The following PLEKHM3 variants were observed in gnomAD, a reference collection of about 807,000 sequenced individuals.
PLEKHM3 encodes pleckstrin homology domain-containing family M member 3.
A neutral mutation model predicts 81.8 loss-of-function variants in PLEKHM3; 45 were observed. The ratio of observed to expected loss-of-function variants is 0.55; its 90% CI spans 0.43 to 0.71. The LOEUF (loss-of-function observed/expected upper bound fraction) is 0.71. PLEKHM3 is among the 30% of genes least tolerant of loss of function. The pLI is 0.00. For synonymous variants in PLEKHM3, 352 were observed against 356.4 expected (o/e 0.99, Z 0.14); for missense variants, 788 against 924.3 (o/e 0.85, Z 1.91).
intron 4 of PLEKHM3, among the ~76,000 whole-genome samples, chr2:207,937,902 G>C (rs1254336288): frequency 2.6e-5 from 4 of 152,140 alleles, no homozygotes; most frequent in Admixed American, 2.6e-4. Flanking sequence ...GGAGAAATTA[G>C]GAAACCTTCA....
intron 6 of PLEKHM3, among the ~76,000 whole-genome samples, chr2:207,866,275 C>A (rs2092500398): frequency 6.6e-6 from 1 of 152,130 alleles, no homozygotes; most frequent in Non-Finnish European, 1.5e-5. Flanking sequence ...CCTGCCTCAG[C>A]CTCCCAAGTG....
At chr2:208,009,260 G>T (rs1292135072) in intron 1 of PLEKHM3, among the ~76,000 whole-genome samples, 1 of 152,082 alleles carries the variant, frequency 6.6e-6, no homozygotes, top group Non-Finnish European at 1.5e-5. Flanking sequence ...TTCAGGAAAG[G>T]CTTGCAGTTA....
chr2:207,985,761 C>T (rs994550362), intron 2 of PLEKHM3, among the ~76,000 whole-genome samples: 2 of 151,874 alleles, frequency 1.3e-5, no homozygotes, highest in East Asian at 1.9e-4. Context: ...CTGAGGTGGG[C>T]GGATCACAAG....
chr2:207,869,340 T>C (rs1574353170), intron 6 of PLEKHM3, among the ~76,000 whole-genome samples: 4 of 152,098 alleles, frequency 2.6e-5, no homozygotes, highest in Admixed American at 2.6e-4. Context: ...GAAGGAAACG[T>C]GTAGCTCTTC....
intron 7 of PLEKHM3, among the ~76,000 whole-genome samples, chr2:207,836,169 T>G (rs1320774150): frequency 6.6e-6 from 1 of 152,118 alleles, no homozygotes; most frequent in East Asian, 1.9e-4. Context: ...AATCTCACTT[T>G]GAATTTCAAT....
intron 5 of PLEKHM3, among the ~76,000 whole-genome samples, chr2:207,912,893 G>A (rs537441486): frequency 6.6e-6 from 1 of 152,044 alleles, no homozygotes; most frequent in South Asian, 2.1e-4. Flanking sequence ...ATTTTCTTTA[G>A]GAAGACCAAA....
intron 2 of PLEKHM3, among the ~76,000 whole-genome samples, chr2:207,994,208 CT>C (rs1415831906): frequency 1.3e-5 from 2 of 152,156 alleles, no homozygotes; most frequent in Non-Finnish European, 2.9e-5. Context: ...TGTATCTATA[CT>C]TTGTTATAAG....
chr2:207,911,419 T>C (rs2105905719), intron 5 of PLEKHM3, among the ~76,000 whole-genome samples: 1 of 152,350 alleles, frequency 6.6e-6, no homozygotes, highest in African/African-American at 2.4e-5. Flanking sequence ...AATGCTTACA[T>C]CTTACATAAC....
chr2:207,905,218 TA>T (rs1688562725), intron 6 of PLEKHM3, among the ~76,000 whole-genome samples: 1 of 152,212 alleles, frequency 6.6e-6, no homozygotes, highest in African/African-American at 2.4e-5. Context: ...ATCTGAACAT[TA>T]AAAGCCCCTT....
chr2:207,851,174 A>C (rs2092410435), intron 7 of PLEKHM3: 1 of 149,670 alleles, frequency 6.7e-6, no homozygotes, highest in Non-Finnish European at 1.5e-5. Context: ...AAAAAAAAAA[A>C]GGTTAGAGCC....
chr2:207,939,788 G>A (rs923037074), intron 4 of PLEKHM3, among the ~76,000 whole-genome samples: 1 of 152,182 alleles, frequency 6.6e-6, no homozygotes, highest in Non-Finnish European at 1.5e-5. Flanking sequence ...GCGCAAATAG[G>A]AGGCTTCTGT....
chr2:207,842,825 T>C lies in PLEKHM3; in HGVS notation c.2109-14329A>G, dbSNP rs1327711261. Among the ~76,000 whole-genome samples, 3 of 152,120 alleles carry C rather than the reference T, an allele frequency of 2.0e-5. No individual in the cohort carries two copies. In the East Asian group the frequency reaches 5.8e-4, roughly 29 times the overall value. On this transcript the variant is annotated intron_variant, in intron 7 of 7. Transcript: ENST00000427836. ...CACACATACTCATAAGACAGAAATA[T>C]GATAGAGAAGGCTAAATAGTAGTAT...
At chr2:207,859,128 TTC>T (rs2092452983) in intron 7 of PLEKHM3, among the ~76,000 whole-genome samples, 1 of 116,252 alleles carries the variant, frequency 8.6e-6, no homozygotes, top group East Asian at 2.1e-4. Context: ...AGTACGTTTT[TTC>T]TTTTTCTTTT....
chr2:207,908,648 G>T, intron 5 of PLEKHM3, 71 bp from the exon 6 acceptor site: 1 of 1,391,990 alleles, frequency 7.2e-7, no homozygotes, highest in Non-Finnish European at 1.0e-6. Context: ...ATAAGTTTCA[G>T]TCTCATTCAA....
rs182113243 is a variant in PLEKHM3, at chr2:207,916,773, T to C, written c.1887-8196A>G. Among the ~76,000 whole-genome samples the C allele has an allele frequency of 3.4e-3, 523 of 152,154 alleles. 8 individuals carry two copies. Among genetic ancestry groups the C allele is most frequent in the Admixed American group, 0.017 (267 of 15,270 alleles). On this transcript the variant is annotated intron_variant, in intron 5 of 7. Coordinates refer to ENST00000427836, the MANE Select transcript of PLEKHM3 (RefSeq NM_001080475.3). ...AAAAAAAGAAAAAAAAAGAAAATGA[T>C]TTTAGAGAATTTATATATTTCATTT...
intron 3 of PLEKHM3, among the ~76,000 whole-genome samples, chr2:207,964,410 T>C (rs1323126197): frequency 6.6e-6 from 1 of 152,182 alleles, no homozygotes; most frequent in Non-Finnish European, 1.5e-5. Context: ...TGAGAGATCC[T>C]GGGGTAGACA....
intron 6 of PLEKHM3, among the ~76,000 whole-genome samples, chr2:207,898,272 C>T (rs942375963): frequency 2.6e-5 from 4 of 152,062 alleles, no homozygotes; most frequent in African/African-American, 7.2e-5. Flanking sequence ...TCTTGGAAAA[C>T]GGGAAGAGCA....
Position 207,853,111 on chromosome 2 carries a change from C to G in PLEKHM3, c.2108+7994G>C, listed in dbSNP as rs114198614. Reference sequence around the variant, plus strand: ...TCACTGTTGTCTCCAGAACCTAGCCCAATGCACACACATGGTATGCTCAAT... The same window carrying G: ...TCACTGTTGTCTCCAGAACCTAGCCGAATGCACACACATGGTATGCTCAAT... On this transcript the variant is annotated intron_variant, in intron 7 of 7. Coordinates refer to ENST00000427836, the MANE Select transcript of PLEKHM3 (RefSeq NM_001080475.3). Among the ~76,000 whole-genome samples, 438 of 152,246 alleles carry G rather than the reference C, an allele frequency of 2.9e-3. 3 individuals are homozygous for G. The highest frequency in any genetic ancestry group is 0.01 in the African/African-American group (418 of 41,550).
intron 7 of PLEKHM3, among the ~76,000 whole-genome samples, chr2:207,851,016 C>T (rs755982459): frequency 7.2e-5 from 11 of 151,978 alleles, no homozygotes; most frequent in Non-Finnish European, 1.2e-4. Context: ...AGCTGGGCGT[C>T]GTGGCACGCA....
Sources: allele counts gnomAD v4.1 joint callset (sites outside exome capture counted in the v4.1 genomes callset), GRCh38; gene constraint gnomAD v4.1.1; transcripts MANE v1.5; gene names NCBI Gene and HGNC (gene_info 2026-07-23, HGNC 2026-07-21).